LIMS1: variants seen among roughly 807,000 people sequenced by gnomAD.
LIMS1 encodes the protein LIM and senescent cell antigen-like-containing domain protein 1.
In LIMS1, 18 loss-of-function variants were observed where a neutral mutation model predicts 44.1. The ratio of observed to expected loss-of-function variants is 0.41; its 90% CI spans 0.28 to 0.61. LIMS1 has a LOEUF of 0.61. Ranked by LOEUF, LIMS1 falls within the 20% of genes least tolerant of loss-of-function variation. The pLI, the probability that LIMS1 is intolerant of heterozygous loss-of-function variation, is 0.32. For missense variants in LIMS1, 201 were observed against 422.0 expected (o/e 0.48, Z 4.59); for synonymous variants, 93 against 149.1 (o/e 0.62, Z 2.74).
chr2:108,583,786 C>T (rs1403509478), intron 1 of LIMS1, among the ~76,000 whole-genome samples: 2 of 150,054 alleles, frequency 1.3e-5, no homozygotes, highest in African/African-American at 4.9e-5. Flanking sequence ...CCTCTGCCTC[C>T]TGGGTTCAAG....
chr2:108,686,424 T>C (rs1421583969), exon 10 of LIMS1: 1 of 151,952 alleles, frequency 6.6e-6, no homozygotes, highest in African/African-American at 2.4e-5. Flanking sequence ...CTTTCTTCCC[T>C]GATAAGTAGT....
intron 9 of LIMS1, among the ~76,000 whole-genome samples, chr2:108,682,540 C>G (rs1364079168): frequency 6.6e-6 from 1 of 152,004 alleles, no homozygotes; most frequent in African/African-American, 2.4e-5. Context: ...GGAAAGCTTG[C>G]TAAGGTAGTC....
At chr2:108,588,258 G>A in intron 1 of LIMS1, 2 of 801,422 alleles carry the variant, frequency 2.5e-6, no homozygotes, top group Non-Finnish European at 2.9e-6. Flanking sequence ...CACATGATTT[G>A]ACTAAATACA....
chr2:108,675,811 G>A (rs1288696015), intron 5 of LIMS1, 67 bp from the exon 6 acceptor site: 30 of 1,589,374 alleles, frequency 1.9e-5, no homozygotes, highest in Non-Finnish European at 2.3e-5. Flanking sequence ...TCTAAAAAGT[G>A]TGCTAGCCCC....
At chr2:108,609,508 C>G (rs781470650) in intron 1 of LIMS1, among the ~76,000 whole-genome samples, 9 of 152,240 alleles carry the variant, frequency 5.9e-5, no homozygotes, top group Non-Finnish European at 1.3e-4. Context: ...GAGGCGCCCA[C>G]TGTTCCCTGG....
intron 1 of LIMS1, among the ~76,000 whole-genome samples, chr2:108,635,429 T>TAAAAAAAAAAAAAA (rs70956264): frequency 3.5e-5 from 3 of 86,722 alleles, no homozygotes; most frequent in Non-Finnish European, 6.3e-5. Flanking sequence ...ACTTCATCTC[T>TAAAAAAAAAAAAAA]AAAAAAAAAA....
intron 1 of LIMS1, among the ~76,000 whole-genome samples, chr2:108,566,464 A>G (rs918948489): frequency 2.0e-5 from 3 of 152,188 alleles, no homozygotes; most frequent in Non-Finnish European, 4.4e-5. Context: ...TCAGAGGGTA[A>G]ATTGCCCAGG....
chr2:108,650,561 G>A lies in LIMS1; in HGVS notation c.33-9044G>A, dbSNP rs145106800. On this transcript the variant is annotated intron_variant, in intron 1 of 9. Coordinates refer to ENST00000544547, the Ensembl canonical transcript of LIMS1. The stretch of plus-strand genomic sequence containing the variant: ...GCCTCCTGAGCAGCTGGGATTACAC[G>A]TGCCCACCACCACGCCAGCTAATGT... Among the ~76,000 whole-genome samples the A allele has an allele frequency of 7.2e-5, 11 of 152,138 alleles. No homozygotes were observed. In the South Asian group the frequency reaches 1.2e-3, roughly 17 times the overall value.
At chr2:108,637,158 T>C (rs1316143496) in intron 1 of LIMS1, among the ~76,000 whole-genome samples, 1 of 151,018 alleles carries the variant, frequency 6.6e-6, no homozygotes, top group East Asian at 1.9e-4. Flanking sequence ...TTTTAGTTCC[T>C]CTGCTTCATC....
chr2:108,562,477 T>C (rs1021326741), intron 1 of LIMS1, among the ~76,000 whole-genome samples: 1 of 152,224 alleles, frequency 6.6e-6, no homozygotes, highest in African/African-American at 2.4e-5. Context: ...AACAGCTTTA[T>C]TGCTGATACA....
At chr2:108,634,320 A>T (rs11680564) in intron 1 of LIMS1, among the ~76,000 whole-genome samples, 8 of 152,222 alleles carry the variant, frequency 5.3e-5, no homozygotes, top group African/African-American at 1.9e-4. Flanking sequence ...TTTAATGTCT[A>T]TACCAATGGG....
chr2:108,557,045 T>C (rs1352808945), intron 1 of LIMS1, among the ~76,000 whole-genome samples: 1 of 152,194 alleles, frequency 6.6e-6, no homozygotes, highest in African/African-American at 2.4e-5. Context: ...CTGTAGTAAC[T>C]GTCACTACCT....
At chr2:108,667,004 T>G (rs1341631107) in intron 2 of LIMS1, among the ~76,000 whole-genome samples, 2 of 151,232 alleles carry the variant, frequency 1.3e-5, no homozygotes, top group African/African-American at 4.9e-5. Context: ...CTTCATTATG[T>G]AGGCATGATG....
intron 1 of LIMS1, among the ~76,000 whole-genome samples, chr2:108,608,927 C>G (rs113716813): frequency 6.6e-6 from 1 of 152,102 alleles, no homozygotes; most frequent in Admixed American, 6.5e-5. Flanking sequence ...GCCACTAGAA[C>G]GAGATGACAG....
rs1176894262 is a variant in LIMS1 at position 108,642,356 on chromosome 2, TTG to T, written c.33-17247_33-17246del. On this transcript the variant is annotated intron_variant, in intron 1 of 9. Transcript: ENST00000544547. Reference sequence around the variant, plus strand: ...TAGTGTTTTTTGTTTTTTTTTTTTTTTGTTTTTTGTTTTTTTTTTTTGAGACG... The same window carrying T: ...TAGTGTTTTTTGTTTTTTTTTTTTTTTTTTTTGTTTTTTTTTTTTGAGACG... 5.6e-3 allele frequency among the ~76,000 whole-genome samples: 55 copies of T among 9,898 alleles called. 1 individual carries two copies. In the South Asian group the frequency reaches 0.12, roughly 22 times the overall value. 6.5% of individuals were successfully genotyped at this position (9,898 alleles called of 152,430 possible). A position where few individuals can be genotyped will look rare whatever the true frequency, so the allele number is the denominator to read the frequency against.
intron 1 of LIMS1, among the ~76,000 whole-genome samples, chr2:108,590,460 GAATAAAAT>G (rs1686325376): frequency 6.6e-6 from 1 of 152,168 alleles, no homozygotes; most frequent in Non-Finnish European, 1.5e-5. Context: ...AATGAAAATA[GAATAAAAT>G]ATTCTGAATG....
chr2:108,610,853 T>C (rs1558808225), intron 1 of LIMS1, among the ~76,000 whole-genome samples: 1 of 152,212 alleles, frequency 6.6e-6, no homozygotes, highest in East Asian at 1.9e-4. Context: ...ATTTTTAAAA[T>C]AAACCTTATT....
At chr2:108,662,635 A>G in intron 2 of LIMS1, 2 of 984,800 alleles carry the variant, frequency 2.0e-6, no homozygotes, top group Non-Finnish European at 2.5e-6. Flanking sequence ...GATATTAGAG[A>G]AAAAAACTAT....
At chr2:108,624,507 A>G (rs913238102) in intron 1 of LIMS1, among the ~76,000 whole-genome samples, 7 of 152,224 alleles carry the variant, frequency 4.6e-5, no homozygotes, top group Admixed American at 6.5e-5. Flanking sequence ...CTATAATCCC[A>G]GTACTTTGGG....
Sources: gnomAD v4.1 joint callset for allele counts (sites outside exome capture counted in the v4.1 genomes callset) on GRCh38, gnomAD v4.1.1 for gene constraint, MANE v1.5 for transcripts, NCBI Gene and HGNC (gene_info 2026-07-23, HGNC 2026-07-21) for gene names.